Variants in UBXN7 observed in about 807,000 individuals in gnomAD.
The protein encoded by UBXN7 is UBX domain-containing protein 7.
In UBXN7, 9 loss-of-function variants were observed where a neutral mutation model predicts 58.0. The ratio of observed to expected loss-of-function variants is 0.16; its 90% CI spans 0.09 to 0.27. The LOEUF (loss-of-function observed/expected upper bound fraction) is 0.27. Among genes scored for constraint, UBXN7 ranks in the 10% least tolerant of loss-of-function variants. UBXN7 has a pLI of 1.00. For synonymous variants in UBXN7, 208 were observed against 205.0 expected (o/e 1.01, Z -0.12); for missense variants, 328 against 599.6 (o/e 0.55, Z 4.73).
At chr3:196,429,068 G>A (rs964124151) in intron 1 of UBXN7, among the ~76,000 whole-genome samples, 1 of 149,932 alleles carries the variant, frequency 6.7e-6, no homozygotes, top group African/African-American at 2.5e-5. Flanking sequence ...TGGCTCACAC[G>A]TGTAATCCCA....
chr3:196,356,467 A>G lies in UBXN7; in HGVS notation c.*218T>C, dbSNP rs1013878974. 1 of 442,512 alleles carries G rather than the reference A, an allele frequency of 2.3e-6. No homozygotes were observed. The allele number at this position is 442,512 out of a possible 1,614,324, so 27.4% of individuals were successfully genotyped here. Reference sequence around the variant, plus strand: ...AAGTGTGGGGGGAGGGGGAGGCAGAAGGGTACGGAGTGGGGAGCGAGAAAA... The same window carrying G: ...AAGTGTGGGGGGAGGGGGAGGCAGAGGGGTACGGAGTGGGGAGCGAGAAAA... On this transcript the variant is annotated 3_prime_UTR_variant, in exon 11 of 11. Transcript: ENST00000296328.
At chr3:196,428,451 TAA>T (rs58227025) in intron 1 of UBXN7, among the ~76,000 whole-genome samples, 126 of 145,856 alleles carry the variant, frequency 8.6e-4, no homozygotes, top group Middle Eastern at 3.4e-3. Flanking sequence ...AGACCGTCTT[TAA>T]AAAAAAAAAA....
At chr3:196,390,231 C>A (rs995253995) in intron 5 of UBXN7, among the ~76,000 whole-genome samples, 1 of 151,534 alleles carries the variant, frequency 6.6e-6, no homozygotes, top group East Asian at 1.9e-4. Flanking sequence ...AAAAAAAAGA[C>A]AAAGAAAAGG....
At chr3:196,393,751 C>A in intron 3 of UBXN7, 132 bp from the exon 4 acceptor site, 1 of 773,574 alleles carries the variant, frequency 1.3e-6, no homozygotes, top group African/African-American at 1.8e-5. Flanking sequence ...CACCCTTGCA[C>A]AGGGGCCGTG....
Position 196,351,448 on chromosome 3 carries a change from A to AGCAAGTTG in UBXN7, c.*5229_*5236dup, listed in dbSNP as rs1160380341. 6.6e-6 allele frequency: 1 copy of AGCAAGTTG among 152,072 alleles called. No individual in the cohort carries two copies. Among genetic ancestry groups the AGCAAGTTG allele is most frequent in the Non-Finnish European group, 1.5e-5 (1 of 68,028 alleles). The allele number at this position is 152,072 out of a possible 1,614,324, so 9.4% of individuals were successfully genotyped here. On this transcript the variant is annotated 3_prime_UTR_variant, in exon 11 of 11. Coordinates refer to ENST00000296328, the MANE Select transcript of UBXN7 (RefSeq NM_015562.2). ...TTTCAGTCATCGCAGTAAGATTAAG[A>AGCAAGTTG]GCAAGTTGTTGGTCAAATGATACCT...
At chr3:196,357,436 C>A (rs1560216583) in intron 10 of UBXN7, among the ~76,000 whole-genome samples, 1 of 152,210 alleles carries the variant, frequency 6.6e-6, no homozygotes, top group Non-Finnish European at 1.5e-5. Flanking sequence ...ACAGGCTAAG[C>A]TAAGCTAAGC....
At chr3:196,430,668 C>T (rs1049321686) in intron 1 of UBXN7, among the ~76,000 whole-genome samples, 7 of 152,018 alleles carry the variant, frequency 4.6e-5, no homozygotes, top group African/African-American at 1.7e-4. Flanking sequence ...GGATTACAGG[C>T]GTGAGACACC....
At chr3:196,417,035 C>T (rs1560242097) in intron 1 of UBXN7, among the ~76,000 whole-genome samples, 1 of 152,210 alleles carries the variant, frequency 6.6e-6, no homozygotes, top group African/African-American at 2.4e-5. Context: ...AATGTACACA[C>T]AGGCGCGGCG....
At chr3:196,390,278 T>A (rs1729537407) in intron 5 of UBXN7, among the ~76,000 whole-genome samples, 1 of 150,820 alleles carries the variant, frequency 6.6e-6, no homozygotes, top group Non-Finnish European at 1.5e-5. Flanking sequence ...CAGGCTGGAG[T>A]GCAGTGGTTT....
At chr3:196,373,139 T>C (rs1479674862) in intron 5 of UBXN7, among the ~76,000 whole-genome samples, 1 of 152,246 alleles carries the variant, frequency 6.6e-6, no homozygotes, top group Non-Finnish European at 1.5e-5. Context: ...TTAAACATCA[T>C]ATTAATCTCA....
intron 1 of UBXN7, among the ~76,000 whole-genome samples, chr3:196,420,353 C>A (rs1480744582): frequency 6.6e-6 from 1 of 151,810 alleles, no homozygotes; most frequent in Non-Finnish European, 1.5e-5. Context: ...CACCGCGAAA[C>A]CCCGTCTCTA....
intron 6 of UBXN7, among the ~76,000 whole-genome samples, chr3:196,371,693 G>C (rs947304635): frequency 6.6e-6 from 1 of 152,128 alleles, no homozygotes; most frequent in Non-Finnish European, 1.5e-5. Flanking sequence ...ATGTTGGCCA[G>C]GCTGGTCTCA....
At position 196,362,329 on chromosome 3, in the gene UBXN7, T is replaced by A; in HGVS notation, c.1193A>T (p.Lys398Ile). The stretch of plus-strand genomic sequence containing the variant: ...TATCCCCTCCACTACTCCATCTGCT[T>A]TTTCAGGTGGCATCTCCAGTATCTC... ...DSEILEMPPEKADGVVEGIDV... is the reference protein window; with the variant it reads ...DSEILEMPPEIADGVVEGIDV... Residue 398 changes from lysine (K) to isoleucine (I), a missense_variant, in exon 9 of 11, where the codon AAA (lysine) becomes ATA (isoleucine). Lys to Ile is a moderately radical substitution (Grantham distance 102). Transcript: ENST00000296328. 6.2e-7 allele frequency: 1 copy of A among 1,611,806 alleles called. No individual in the cohort carries two copies. The highest frequency in any genetic ancestry group is 8.5e-7 in the Non-Finnish European group (1 of 1,179,200).
At position 196,373,789 on chromosome 3, in the gene UBXN7, C is replaced by T. The variant is rs538590420; in HGVS notation, c.469-1747G>A. On this transcript the variant is annotated intron_variant, in intron 5 of 10. Transcript: ENST00000296328. ...GCCAGGCTGGTTTGGAACACCTAGC[C>T]TCAAATGATCCTCCTGCCCTGGCCT... Among the ~76,000 whole-genome samples the T allele has an allele frequency of 3.9e-5, 6 of 152,228 alleles. No individual in the cohort carries two copies. The East Asian group carries it at 1.2e-3, about 29-fold the overall frequency.
intron 3 of UBXN7, among the ~76,000 whole-genome samples, chr3:196,401,767 TTAAAAAAAA>T (rs1391075460): frequency 1.2e-5 from 1 of 82,032 alleles, no homozygotes; most frequent in East Asian, 3.8e-4. Context: ...CATCTCTATT[TTAAAAAAAA>T]AAAAAAAAAA....
chr3:196,361,433 T>C (rs1468581469), intron 10 of UBXN7, among the ~76,000 whole-genome samples: 2 of 152,244 alleles, frequency 1.3e-5, no homozygotes, highest in Non-Finnish European at 2.9e-5. Context: ...CTGAGAAGAC[T>C]GACTCCAGTT....
intron 1 of UBXN7, among the ~76,000 whole-genome samples, chr3:196,430,464 C>A (rs1199826150): frequency 6.6e-6 from 1 of 151,840 alleles, no homozygotes; most frequent in Non-Finnish European, 1.5e-5. Flanking sequence ...ATCTACTCAC[C>A]GCAGCCTTGA....
At chr3:196,405,988 T>C (rs1385194248) in intron 2 of UBXN7, among the ~76,000 whole-genome samples, 2 of 152,152 alleles carry the variant, frequency 1.3e-5, no homozygotes, top group Non-Finnish European at 2.9e-5. Flanking sequence ...GAATATTTGC[T>C]ATTCAAGTTT....
chr3:196,405,436 A>C (rs1730130736), intron 2 of UBXN7, among the ~76,000 whole-genome samples: 1 of 150,074 alleles, frequency 6.7e-6, no homozygotes, highest in African/African-American at 2.5e-5. Flanking sequence ...ACACCTCTGC[A>C]CTCCAGCCTG....
Sources: allele counts gnomAD v4.1 joint callset (sites outside exome capture counted in the v4.1 genomes callset), GRCh38; gene constraint gnomAD v4.1.1; transcripts MANE v1.5; gene names NCBI Gene and HGNC (gene_info 2026-07-23, HGNC 2026-07-21).